PBX1: variants seen among roughly 807,000 people sequenced by gnomAD.
PBX1 encodes the protein pre-B-cell leukemia transcription factor 1.
In PBX1, 6 loss-of-function variants were observed where a neutral mutation model predicts 53.4. The observed-to-expected ratio is 0.11, with a 90% CI of 0.06 to 0.22. The LOEUF (loss-of-function observed/expected upper bound fraction) is 0.22. Ranked by LOEUF, PBX1 falls within the 10% of genes least tolerant of loss-of-function variation. The pLI, the probability that PBX1 is intolerant of heterozygous loss-of-function variation, is 1.00. For synonymous variants in PBX1, 204 were observed against 212.3 expected (o/e 0.96, Z 0.34); for missense variants, 251 against 551.4 (o/e 0.46, Z 5.46).
At chr1:164,821,933 G>A (rs1055593944) in intron 8 of PBX1, among the ~76,000 whole-genome samples, 3 of 152,140 alleles carry the variant, frequency 2.0e-5, no homozygotes, top group Non-Finnish European at 4.4e-5. Context: ...TAGTACAACA[G>A]TGGTAGGAAA....
intron 8 of PBX1, among the ~76,000 whole-genome samples, chr1:164,826,566 A>C (rs777210410): frequency 6.6e-6 from 1 of 151,960 alleles, no homozygotes; most frequent in African/African-American, 2.4e-5. Context: ...CACCATGCCC[A>C]GCTAATTTTT....
intron 2 of PBX1, among the ~76,000 whole-genome samples, chr1:164,583,079 T>C (rs779188254): frequency 5.3e-5 from 8 of 152,214 alleles, no homozygotes; most frequent in Non-Finnish European, 1.2e-4. Context: ...GAATCAAAAG[T>C]CCCTGTCCTT....
intron 2 of PBX1, chr1:164,770,589 A>C (rs1274967163): frequency 1.3e-5 from 2 of 152,170 alleles, no homozygotes; most frequent in Admixed American, 1.3e-4. Flanking sequence ...GCAATTATGC[A>C]GTTATCTTAC....
chr1:164,781,961 A>G (rs1667954655), intron 2 of PBX1, among the ~76,000 whole-genome samples: 5 of 152,244 alleles, frequency 3.3e-5, no homozygotes, highest in African/African-American at 1.2e-4. Flanking sequence ...CTAGATTTTT[A>G]TCTTATTTTT....
In PBX1 at chr1:164,848,561, A is replaced by G. The variant is rs1162691711; in HGVS notation, c.*1885A>G. On this transcript the variant is annotated 3_prime_UTR_variant, in exon 9 of 9. Transcript: ENST00000420696. ...TCAGTACCTTGATGTCATCACCGTGATGACAAAGAGAAGAGTTATTGTTGA... is the reference window on the plus strand; with the variant it reads ...TCAGTACCTTGATGTCATCACCGTGGTGACAAAGAGAAGAGTTATTGTTGA... The G allele has an allele frequency of 2.8e-6, 3 of 1,059,668 alleles. No homozygotes were observed. The highest frequency in any genetic ancestry group is 3.4e-6 in the Non-Finnish European group (3 of 875,920). The allele number at this position is 1,059,668 out of a possible 1,614,324, so 65.6% of individuals were successfully genotyped here.
At chr1:164,580,643 C>A (rs561831799) in intron 2 of PBX1, among the ~76,000 whole-genome samples, 1 of 152,056 alleles carries the variant, frequency 6.6e-6, no homozygotes, top group African/African-American at 2.4e-5. Flanking sequence ...ATGATGCAAT[C>A]TTGGCTTACT....
chr1:164,792,763 G>C, intron 3 of PBX1, 25 bp downstream of exon 3: 3 of 1,540,402 alleles, frequency 1.9e-6, no homozygotes, highest in South Asian at 1.2e-5. Context: ...CTGGGGCTCG[G>C]CACCCAGGCC....
intron 2 of PBX1, among the ~76,000 whole-genome samples, chr1:164,736,866 G>T (rs1289430407): frequency 6.6e-6 from 1 of 152,174 alleles, no homozygotes; most frequent in Non-Finnish European, 1.5e-5. Flanking sequence ...TTAAATGAAG[G>T]CTAGAGTTTC....
Position 164,778,933 on chromosome 1 carries a change from A to G in PBX1, c.266-13561A>G, listed in dbSNP as rs138297816. Reference sequence around the variant, plus strand: ...AGTGAAGTCAACTGCAGAACTAAGTATGTGCCCTTGGGCCACTTTGACTCC... The same window carrying G: ...AGTGAAGTCAACTGCAGAACTAAGTGTGTGCCCTTGGGCCACTTTGACTCC... On this transcript the variant is annotated intron_variant, in intron 2 of 8. Coordinates refer to ENST00000420696, the MANE Select transcript of PBX1 (RefSeq NM_002585.4). Among the ~76,000 whole-genome samples, 337 of 152,204 alleles carry G rather than the reference A, an allele frequency of 2.2e-3. 1 individual carries two copies. Among genetic ancestry groups the G allele is most frequent in the African/African-American group, 7.8e-3 (324 of 41,540 alleles).
intron 2 of PBX1, among the ~76,000 whole-genome samples, chr1:164,725,491 T>TC (rs1664654108): frequency 6.6e-6 from 1 of 151,974 alleles, no homozygotes; most frequent in Admixed American, 6.6e-5. Context: ...TCTGCGTGCT[T>TC]CCCCTAACTT....
chr1:164,747,867 G>A (rs545142278), intron 2 of PBX1, among the ~76,000 whole-genome samples: 1 of 152,170 alleles, frequency 6.6e-6, no homozygotes, highest in Non-Finnish European at 1.5e-5. Context: ...GTTTAGATTG[G>A]AGGTTGAGAG....
At chr1:164,587,215 A>T (rs1655009567) in intron 2 of PBX1, among the ~76,000 whole-genome samples, 2 of 152,172 alleles carry the variant, frequency 1.3e-5, no homozygotes, top group South Asian at 4.1e-4. Context: ...GTTCCTAAAA[A>T]GTGTATGGGT....
intron 2 of PBX1, among the ~76,000 whole-genome samples, chr1:164,741,613 A>G (rs1339125121): frequency 1.3e-5 from 2 of 152,122 alleles, no homozygotes; most frequent in Admixed American, 1.3e-4. Flanking sequence ...TTTTCAGTAC[A>G]CTGCTTTAAT....
At chr1:164,668,380 A>G (rs568559395) in intron 2 of PBX1, among the ~76,000 whole-genome samples, 1 of 152,188 alleles carries the variant, frequency 6.6e-6, no homozygotes, top group South Asian at 2.1e-4. Context: ...CCTGTAGCAA[A>G]AGTTGGACAA....
chr1:164,681,086 A>G lies in PBX1; in HGVS notation c.266-111408A>G, dbSNP rs538768915. On this transcript the variant is annotated intron_variant, in intron 2 of 8. Coordinates refer to ENST00000420696, the MANE Select transcript of PBX1 (RefSeq NM_002585.4). ...CGAGACCAGCCTGACTCTACTAAGA[A>G]TTTAAAAATTAACCTGTCATGATGG... Among the ~76,000 whole-genome samples, 446 of 104,482 alleles carry G rather than the reference A, an allele frequency of 4.3e-3. 1 individual carries two copies. Among genetic ancestry groups the G allele is most frequent in the South Asian group, 0.023 (59 of 2,548 alleles). The allele number at this position is 104,482 out of a possible 152,430, so 68.5% of individuals were successfully genotyped here. A position where few individuals can be genotyped will look rare whatever the true frequency, so the allele number is the denominator to read the frequency against.
chr1:164,856,745 C>T (rs1671985423), downstream of PBX1, among the ~76,000 whole-genome samples: 1 of 152,200 alleles, frequency 6.6e-6, no homozygotes, highest in Non-Finnish European at 1.5e-5. Context: ...GTATTTTCCT[C>T]TGATCTTCTT....
chr1:164,793,115 G>T (rs1182659797), intron 3 of PBX1, among the ~76,000 whole-genome samples: 1 of 152,158 alleles, frequency 6.6e-6, no homozygotes, highest in East Asian at 1.9e-4. Context: ...CAGCTAACCT[G>T]CAAGAAGGTG....
At chr1:164,807,388 G>A (rs573578280) in intron 4 of PBX1, among the ~76,000 whole-genome samples, 154 bp from the exon 5 acceptor site, 3 of 152,314 alleles carry the variant, frequency 2.0e-5, no homozygotes, top group East Asian at 1.9e-4. Context: ...TGCTTTTAGC[G>A]TTGGTTTTGG....
intron 8 of PBX1, among the ~76,000 whole-genome samples, chr1:164,842,672 C>T (rs1671360230): frequency 2.0e-5 from 3 of 152,068 alleles, no homozygotes; most frequent in Admixed American, 2.0e-4. Flanking sequence ...ACAGAATTAC[C>T]TATATAAAAC....
Sources: gnomAD v4.1 joint callset for allele counts (sites outside exome capture counted in the v4.1 genomes callset) on GRCh38, gnomAD v4.1.1 for gene constraint, MANE v1.5 for transcripts, NCBI Gene and HGNC (gene_info 2026-07-23, HGNC 2026-07-21) for gene names.